RASSF5: variants seen among roughly 807,000 people sequenced by gnomAD.
RASSF5 encodes the protein Ras association domain family member 5, also known as ras association domain-containing protein 5.
Under a neutral mutation model 40.5 loss-of-function variants are expected in RASSF5, and 25 were observed. The observed-to-expected ratio is 0.62, with a 90% CI of 0.45 to 0.86. The LOEUF (loss-of-function observed/expected upper bound fraction) is 0.86. Ranked by LOEUF, RASSF5 falls within the 40% of genes least tolerant of loss-of-function variation. RASSF5 has a pLI of 0.00. For synonymous variants in RASSF5, 246 were observed against 252.4 expected (o/e 0.97, Z 0.24); for missense variants, 521 against 572.8 (o/e 0.91, Z 0.92).
At chr1:206,532,332 C>T (rs1572312094) in intron 1 of RASSF5, among the ~76,000 whole-genome samples, 1 of 152,102 alleles carries the variant, frequency 6.6e-6, no homozygotes. Flanking sequence ...CCATTTAATC[C>T]TCATGGCAGC....
intron 1 of RASSF5, among the ~76,000 whole-genome samples, chr1:206,533,937 CA>C (rs1378288659): frequency 6.6e-6 from 1 of 152,144 alleles, no homozygotes; most frequent in Non-Finnish European, 1.5e-5. Flanking sequence ...TGACGATGGA[CA>C]CAGAGGCTGG....
At chr1:206,577,255 A>G (rs1284825466) in intron 2 of RASSF5, among the ~76,000 whole-genome samples, 1 of 152,156 alleles carries the variant, frequency 6.6e-6, no homozygotes, top group Non-Finnish European at 1.5e-5. Flanking sequence ...AAGTTTGCCA[A>G]CCACTGGTGC....
chr1:206,526,749 A>G (rs1454547815), intron 1 of RASSF5, among the ~76,000 whole-genome samples: 8 of 152,176 alleles, frequency 5.3e-5, no homozygotes, highest in African/African-American at 1.9e-4. Context: ...GATGAGCAGG[A>G]AAGTTGCACA....
At chr1:206,534,879 T>C (rs1187382631) in intron 1 of RASSF5, among the ~76,000 whole-genome samples, 1 of 152,152 alleles carries the variant, frequency 6.6e-6, no homozygotes, top group Non-Finnish European at 1.5e-5. Context: ...GAACCCTTCC[T>C]TCCTAGAAGC....
chr1:206,580,731 G>C (rs1280033526), intron 2 of RASSF5: 4 of 152,242 alleles, frequency 2.6e-5, no homozygotes, highest in African/African-American at 9.7e-5. Flanking sequence ...CTTGCCCTTG[G>C]GTGGTCTGCA....
At chr1:206,557,810 C>A (rs1668032521) in intron 2 of RASSF5, 2 of 1,179,786 alleles carry the variant, frequency 1.7e-6, no homozygotes, top group Non-Finnish European at 2.4e-6. Flanking sequence ...AGGAAAGTGG[C>A]CAGGCAGTTG....
At chr1:206,557,956 T>G (rs1258026375) in intron 2 of RASSF5, among the ~76,000 whole-genome samples, 1 of 152,190 alleles carries the variant, frequency 6.6e-6, no homozygotes, top group Non-Finnish European at 1.5e-5. Flanking sequence ...CCCTGGCTGG[T>G]AGATTGGCTG....
At position 206,507,689 on chromosome 1, in the gene RASSF5, C is replaced by T. The variant is rs544070256; in HGVS notation, c.87C>T (p.Ser29=). The T allele has an allele frequency of 2.1e-5, 32 of 1,500,050 alleles. No homozygotes were observed. In the East Asian group the frequency reaches 8.3e-4, roughly 39 times the overall value. 92.9% of individuals were successfully genotyped at this position (1,500,050 alleles called of 1,614,324 possible). The part of the protein sequence containing the change: ...PEPPRYLQSL[S]GPELPPPPPD... The stretch of plus-strand genomic sequence containing the variant: ...CGCCGCGCTATCTACAGAGCCTGAG[C>T]GGCCCCGAGCTACCGCCGCCGCCCC... Residue 29 remains serine (S), a synonymous_variant, in exon 1 of 6, where the codon AGC becomes AGT. Transcript: ENST00000579436.
rs1265448117 is a variant in RASSF5 at position 206,533,762 on chromosome 1, GA to G, written c.458-4400del. 1.7e-4 allele frequency among the ~76,000 whole-genome samples: 25 copies of G among 148,320 alleles called. 1 individual carries two copies. The highest frequency in any genetic ancestry group is 9.7e-4 in the East Asian group (5 of 5,132). ...AGAGTGAGACCCTGTCTTAAAAAAA[GA>G]AAAAAAAAAGTTCTAACCCCCAGTA... On this transcript the variant is annotated intron_variant, in intron 1 of 5. Transcript: ENST00000579436.
chr1:206,567,145 G>A (rs1668310530), intron 2 of RASSF5, among the ~76,000 whole-genome samples: 1 of 152,212 alleles, frequency 6.6e-6, no homozygotes. Context: ...AGCTGTGATT[G>A]TTCAGCTGTT....
intron 1 of RASSF5, among the ~76,000 whole-genome samples, chr1:206,515,390 G>A (rs140193452): frequency 1.2e-4 from 18 of 152,240 alleles, no homozygotes; most frequent in African/African-American, 2.9e-4. Flanking sequence ...GTCTCTCCCC[G>A]CTCCCACCTC....
intron 1 of RASSF5, among the ~76,000 whole-genome samples, chr1:206,522,716 G>A (rs1208429376): frequency 5.3e-5 from 8 of 152,046 alleles, no homozygotes; most frequent in African/African-American, 1.9e-4. Flanking sequence ...TCATCAACAA[G>A]CCGTACTGCA....
chr1:206,582,009 A>AGTTTCC (rs1668906765), intron 2 of RASSF5, among the ~76,000 whole-genome samples: 1 of 152,154 alleles, frequency 6.6e-6, no homozygotes, highest in African/African-American at 2.4e-5. Flanking sequence ...ACTGGGCCTC[A>AGTTTCC]GTTTCCTCAT....
intron 2 of RASSF5, among the ~76,000 whole-genome samples, chr1:206,553,856 G>A (rs1053948623): frequency 2.6e-5 from 4 of 152,330 alleles, no homozygotes; most frequent in South Asian, 2.1e-4. Context: ...CCATGAGGCC[G>A]CAGAGTATAG....
Position 206,584,890 on chromosome 1 carries a change from A to T in RASSF5, c.988+206A>T. 1.6e-6 allele frequency: 1 copy of T among 610,018 alleles called. No homozygotes were observed. Among genetic ancestry groups the T allele is most frequent in the East Asian group, 2.7e-5 (1 of 36,524 alleles). The allele number at this position is 610,018 out of a possible 1,614,324, so 37.8% of individuals were successfully genotyped here. A position where few individuals can be genotyped will look rare whatever the true frequency, so the allele number is the denominator to read the frequency against. The stretch of plus-strand genomic sequence containing the variant: ...TGACTCTGCATGTGACTTCAGGAAA[A>T]CCACACCCTAGGCTCCCATTTCCTG... On this transcript the variant is annotated intron_variant, in intron 4 of 5. Coordinates refer to ENST00000579436, the MANE Select transcript of RASSF5 (RefSeq NM_182663.4). This position sits in a 1 kb window ranked among gnomAD's most constrained non-coding sequence, Gnocchi z 4.9.
chr1:206,511,967 C>A (rs1353452447), intron 1 of RASSF5, among the ~76,000 whole-genome samples: 3 of 152,174 alleles, frequency 2.0e-5, no homozygotes, highest in African/African-American at 4.8e-5. Context: ...TCATTTCAGG[C>A]CTCTCAGAAA....
Position 206,513,760 on chromosome 1 carries a change from A to G in RASSF5, c.457+5701A>G, listed in dbSNP as rs556992124. 1.3e-5 allele frequency among the ~76,000 whole-genome samples: 2 copies of G among 152,310 alleles called. No homozygotes were observed. Among genetic ancestry groups the G allele is most frequent in the South Asian group, 2.1e-4 (1 of 4,826 alleles). ...TTCCGGGCTGGATCTCAGGGTCGGA[A>G]GGGGAACAGAGCCAGTTTTGGGGCT... On this transcript the variant is annotated intron_variant, in intron 1 of 5. Coordinates refer to ENST00000579436, the MANE Select transcript of RASSF5 (RefSeq NM_182663.4). This position sits in a 1 kb window ranked among gnomAD's most constrained non-coding sequence, Gnocchi z 5.0.
intron 1 of RASSF5, among the ~76,000 whole-genome samples, chr1:206,520,191 G>A (rs1666868675): frequency 6.6e-6 from 1 of 152,230 alleles, no homozygotes; most frequent in African/African-American, 2.4e-5. Context: ...TGCCAAAAGA[G>A]GAGGGGAGAA....
At chr1:206,533,109 G>T (rs1667284676) in intron 1 of RASSF5, among the ~76,000 whole-genome samples, 1 of 152,166 alleles carries the variant, frequency 6.6e-6, no homozygotes. Flanking sequence ...GTCCTGTGTA[G>T]TTCCACCTTC....
Sources: gnomAD v4.1 joint callset for allele counts (sites outside exome capture counted in the v4.1 genomes callset) on GRCh38, gnomAD v4.1.1 for gene constraint, Gnocchi (gnomAD v3.1) non-coding constraint, MANE v1.5 for transcripts, NCBI Gene and HGNC (gene_info 2026-07-23, HGNC 2026-07-21) for gene names.